The following RPS6KA2 variants were observed in gnomAD, a reference collection of about 807,000 sequenced individuals.
The protein encoded by RPS6KA2 is ribosomal protein S6 kinase alpha-2.
Under a neutral mutation model 91.8 loss-of-function variants are expected in RPS6KA2, and 42 were observed. That is an observed-to-expected ratio of 0.46 (90% CI 0.36 to 0.59). The LOEUF is 0.59. RPS6KA2 is among the 20% of genes least tolerant of loss of function. The pLI is 0.00. For missense variants in RPS6KA2, 798 were observed against 978.5 expected (o/e 0.82, Z 2.46); for synonymous variants, 414 against 393.6 (o/e 1.05, Z -0.61).
Position 166,411,303 on chromosome 6 carries a change from G to C in RPS6KA2, c.*1459C>G, listed in dbSNP as rs917035688. ...ATAACATCTTCTTAGGGAAAACCTG[G>C]CTGTGGCCAGCGGGCACCTCCTGAA... On this transcript the variant is annotated 3_prime_UTR_variant, in exon 21 of 21. Transcript: ENST00000265678. The surrounding 1 kb of genome is among the most constrained non-coding windows in gnomAD (Gnocchi z 4.5). 1 of 152,046 alleles carries C rather than the reference G, an allele frequency of 6.6e-6. No individual in the cohort carries two copies. The highest frequency in any genetic ancestry group is 2.4e-5 in the African/African-American group (1 of 41,386). 9.4% of individuals were successfully genotyped at this position (152,046 alleles called of 1,614,324 possible). A position where few individuals can be genotyped will look rare whatever the true frequency, so the allele number is the denominator to read the frequency against.
chr6:166,727,319 AACACACACAC>A (rs10541160), intron 2 of RPS6KA2, among the ~76,000 whole-genome samples: 47 of 146,642 alleles, frequency 3.2e-4, no homozygotes, highest in African/African-American at 3.9e-4. Flanking sequence ...TAAACAAACA[AACACACACAC>A]ACACACACAC....
At chr6:166,738,525 C>G (rs1186162124) in intron 2 of RPS6KA2, among the ~76,000 whole-genome samples, 2 of 152,200 alleles carry the variant, frequency 1.3e-5, no homozygotes, top group Admixed American at 1.3e-4. Flanking sequence ...CTGACACTCA[C>G]AAGGAGATTG....
chr6:166,489,208 ATTAT>A (rs140292592), intron 9 of RPS6KA2, among the ~76,000 whole-genome samples: 3,288 of 152,312 alleles, frequency 0.022, 104 homozygotes, highest in African/African-American at 0.075. Flanking sequence ...ATTAATAAAC[ATTAT>A]TTAATAATAA....
chr6:166,587,417 C>T (rs1785212888), intron 1 of RPS6KA2, among the ~76,000 whole-genome samples: 6 of 152,194 alleles, frequency 3.9e-5, no homozygotes, highest in African/African-American at 7.2e-5. Flanking sequence ...GCTCCTCACC[C>T]GTCCTTGGCC....
chr6:166,448,175 A>G lies in RPS6KA2; in HGVS notation c.1332+549T>C, dbSNP rs1779740059. Among the ~76,000 whole-genome samples the G allele has an allele frequency of 6.6e-6, 1 of 152,238 alleles. No individual in the cohort carries two copies. Among genetic ancestry groups the G allele is most frequent in the Non-Finnish European group, 1.5e-5 (1 of 68,054 alleles). The stretch of plus-strand genomic sequence containing the variant: ...CTTGACGGTTGGGAGTAAAACCATT[A>G]GCTCTCTGCCAAAGTTTGTTGTAAG... On this transcript the variant is annotated intron_variant, in intron 14 of 20. Coordinates refer to ENST00000265678, the MANE Select transcript of RPS6KA2 (RefSeq NM_021135.6). The surrounding 1 kb of genome is among the most constrained non-coding windows in gnomAD (Gnocchi z 4.7).
chr6:166,740,195 T>C (rs2128592198), intron 2 of RPS6KA2, among the ~76,000 whole-genome samples: 1 of 152,336 alleles, frequency 6.6e-6, no homozygotes, highest in East Asian at 1.9e-4. Context: ...TACCTTGTGG[T>C]AGCTTCTGCT....
chr6:166,854,295 G>A (rs1204407759), intron 2 of RPS6KA2, among the ~76,000 whole-genome samples: 1 of 152,156 alleles, frequency 6.6e-6, no homozygotes, highest in Non-Finnish European at 1.5e-5. Context: ...CACCTTCTTG[G>A]AAGCTGCACA....
At chr6:166,820,141 G>A (rs1463299168) in intron 2 of RPS6KA2, among the ~76,000 whole-genome samples, 5 of 152,028 alleles carry the variant, frequency 3.3e-5, no homozygotes, top group Non-Finnish European at 7.3e-5. Flanking sequence ...TTTATCCAGG[G>A]GACATGTACA....
intron 2 of RPS6KA2, among the ~76,000 whole-genome samples, chr6:166,535,672 G>A (rs939197661): frequency 2.6e-5 from 4 of 152,308 alleles, no homozygotes; most frequent in African/African-American, 7.2e-5. Flanking sequence ...CTCTAAGCTC[G>A]CAGGGAACAC....
intron 2 of RPS6KA2, among the ~76,000 whole-genome samples, chr6:166,720,855 C>G (rs2128584386): frequency 6.6e-6 from 1 of 152,312 alleles, no homozygotes. Context: ...GCCTAGCTGC[C>G]ACTAAATCAC....
intron 3 of RPS6KA2, among the ~76,000 whole-genome samples, chr6:166,517,470 T>TG (rs1247638929): frequency 1.7e-5 from 1 of 59,944 alleles, no homozygotes; most frequent in Middle Eastern, 0.012. Context: ...TTTTTTTTTT[T>TG]TTTTTTTTTT....
intron 2 of RPS6KA2, among the ~76,000 whole-genome samples, chr6:166,658,314 C>T (rs1242818853): frequency 1.3e-5 from 2 of 152,128 alleles, no homozygotes; most frequent in Non-Finnish European, 2.9e-5. Context: ...ATGTGATGCC[C>T]GACAGCCCTG....
rs1348395168 is a variant in RPS6KA2 at position 166,494,499 on chromosome 6, C to T, written c.748-3758G>A. 6.6e-6 allele frequency among the ~76,000 whole-genome samples: 1 copy of T among 152,202 alleles called. No homozygotes were observed. The highest frequency in any genetic ancestry group is 1.5e-5 in the Non-Finnish European group (1 of 68,048). On this transcript the variant is annotated intron_variant, in intron 8 of 20. Transcript: ENST00000265678. This position sits in a 1 kb window ranked among gnomAD's most constrained non-coding sequence, Gnocchi z 5.1. ...AGAAACGGGAGAAGGATAAAGTGGTCTCACGAAACCAGAGTGCTCAAGAGA... is the reference window on the plus strand; with the variant it reads ...AGAAACGGGAGAAGGATAAAGTGGTTTCACGAAACCAGAGTGCTCAAGAGA...
intron 2 of RPS6KA2, among the ~76,000 whole-genome samples, chr6:166,534,933 G>C (rs963240039): frequency 1.3e-4 from 20 of 152,234 alleles, no homozygotes; most frequent in Admixed American, 1.1e-3. Flanking sequence ...TTGGTAACGA[G>C]TGTGGCAACT....
intron 19 of RPS6KA2, among the ~76,000 whole-genome samples, chr6:166,416,094 T>C (rs56669146): frequency 2.4e-5 from 1 of 42,424 alleles, no homozygotes; most frequent in African/African-American, 9.4e-5. Flanking sequence ...CCTTCCTCCA[T>C]CACCTCCACC....
chr6:166,599,192 T>C (rs1785644689), intron 1 of RPS6KA2, among the ~76,000 whole-genome samples: 1 of 152,200 alleles, frequency 6.6e-6, no homozygotes, highest in South Asian at 2.1e-4. Context: ...GAAAGGTAAA[T>C]TCTGCTAACT....
chr6:166,503,518 G>A (rs368453735), intron 6 of RPS6KA2, among the ~76,000 whole-genome samples: 1 of 152,160 alleles, frequency 6.6e-6, no homozygotes, highest in African/African-American at 2.4e-5. Flanking sequence ...TCACAGGCAC[G>A]GGGCTCTCTG....
rs185181982 is a variant in RPS6KA2 at position 166,494,440 on chromosome 6, G to A, written c.748-3699C>T. On this transcript the variant is annotated intron_variant, in intron 8 of 20. Transcript: ENST00000265678. This position sits in a 1 kb window ranked among gnomAD's most constrained non-coding sequence, Gnocchi z 5.1. ...AAGGACACATCACATGGCACCTGAG[G>A]CGGGATGTCCAGAACATTCCGTGCC... Among the ~76,000 whole-genome samples, 2 of 152,342 alleles carry A rather than the reference G, an allele frequency of 1.3e-5. No homozygotes were observed. Among genetic ancestry groups the A allele is most frequent in the South Asian group, 4.1e-4 (2 of 4,832 alleles).
intron 2 of RPS6KA2, among the ~76,000 whole-genome samples, chr6:166,816,391 C>CAAAAAAAAAAAAAA (rs61347721): frequency 2.1e-4 from 25 of 120,010 alleles, no homozygotes; most frequent in East Asian, 5.0e-4. Context: ...ACTAAAAATA[C>CAAAAAAAAAAAAAA]AAAAAAAAAA....
Sources: allele counts gnomAD v4.1 joint callset (sites outside exome capture counted in the v4.1 genomes callset), GRCh38; gene constraint gnomAD v4.1.1; non-coding constraint Gnocchi (gnomAD v3.1); transcripts MANE v1.5; gene names NCBI Gene and HGNC (gene_info 2026-07-23, HGNC 2026-07-21).